Variants in BPIFC observed in about 807,000 individuals in gnomAD.
The protein encoded by BPIFC is BPI fold containing family C.
Under a neutral mutation model 57.6 loss-of-function variants are expected in BPIFC, and 60 were observed. The observed-to-expected ratio is 1.04, with a 90% confidence interval of 0.85 to 1.29. The LOEUF (loss-of-function observed/expected upper bound fraction) is 1.29, where lower values mean the gene tolerates loss of function less well. Among genes scored for constraint, BPIFC ranks in the 50% most tolerant of loss-of-function variants. The pLI, the probability that BPIFC is intolerant of heterozygous loss-of-function variation, is 0.00. For synonymous variants in BPIFC, 243 were observed against 224.5 expected (o/e 1.08, Z -0.74); for missense variants, 581 against 600.5 (o/e 0.97, Z 0.34).
intron 13 of BPIFC, among the ~76,000 whole-genome samples, chr22:32,424,791 T>C (rs1343632066): frequency 9.7e-5 from 13 of 133,610 alleles, no homozygotes; most frequent in Admixed American, 3.1e-4. Context: ...TCTTCTTCCT[T>C]TTTTTTTGAG....
chr22:32,445,345 G>A (rs9609553), intron 7 of BPIFC, among the ~76,000 whole-genome samples: 5 of 152,018 alleles, frequency 3.3e-5, no homozygotes, highest in Non-Finnish European at 5.9e-5. Flanking sequence ...AGACCATCCC[G>A]GCCAACACAG....
chr22:32,431,558 C>T (rs1219117774), intron 12 of BPIFC, 144 bp from the exon 13 acceptor site: 1 of 587,496 alleles, frequency 1.7e-6, no homozygotes, highest in Non-Finnish European at 3.0e-6. Context: ...ATTGGAAATA[C>T]AGACCTCTGA....
At chr22:32,446,861 A>G (rs1430621972) in intron 5 of BPIFC, 6 of 930,922 alleles carry the variant, frequency 6.4e-6, no homozygotes, top group Non-Finnish European at 7.7e-6. Flanking sequence ...TTACTCCTGC[A>G]GATGGGGAAG....
chr22:32,448,635 C>T (rs1047580654), intron 4 of BPIFC, among the ~76,000 whole-genome samples: 4 of 152,000 alleles, frequency 2.6e-5, no homozygotes, highest in Non-Finnish European at 5.9e-5. Flanking sequence ...TGGCCACATG[C>T]ATTATAAGAA....
intron 7 of BPIFC, 91 bp downstream of exon 7, chr22:32,445,544 C>G: frequency 7.6e-7 from 1 of 1,317,666 alleles, no homozygotes; most frequent in Non-Finnish European, 1.1e-6. Context: ...CTCAAAAAAA[C>G]AAACAAACAA....
Position 32,432,514 on chromosome 22 carries a change from G to A in BPIFC, c.1008C>T (p.Pro336=), listed in dbSNP as rs764765350. 48 of 1,614,018 alleles carry A rather than the reference G, an allele frequency of 3.0e-5. No homozygotes were observed. The highest frequency in any genetic ancestry group is 3.9e-5 in the Non-Finnish European group (46 of 1,180,034). ...RIAEIYILSQ[P]FMVRIMATEP... is the part of the protein sequence containing the mutation. ...CTGTGGCCATGATCCTCACCATGAA[G>A]GGCTGGGACAAGATGTAGATCTCTG... Residue 336 remains proline (P), a synonymous_variant, in exon 12 of 17, where the codon CCC becomes CCT. Coordinates refer to ENST00000300399, the MANE Select transcript of BPIFC (RefSeq NM_174932.3).
At chr22:32,426,085 G>A (rs930028494) in intron 13 of BPIFC, among the ~76,000 whole-genome samples, 1 of 152,170 alleles carries the variant, frequency 6.6e-6, no homozygotes, top group Admixed American at 6.5e-5. Context: ...GTTTGTCTCT[G>A]ATTTCTGTAT....
chr22:32,419,593 C>T (rs977596814), intron 13 of BPIFC, among the ~76,000 whole-genome samples, 189 bp from the exon 14 acceptor site: 2 of 151,628 alleles, frequency 1.3e-5, no homozygotes, highest in African/African-American at 4.8e-5. Flanking sequence ...AACTTGAGGT[C>T]AGGAATTTGA....
At chr22:32,426,904 GAA>G (rs1569448756) in intron 13 of BPIFC, among the ~76,000 whole-genome samples, 6 of 53,878 alleles carry the variant, frequency 1.1e-4, no homozygotes, top group Non-Finnish European at 2.7e-4. Context: ...AAAAAAAAAA[GAA>G]AGAAAGAAAA....
In BPIFC at chr22:32,414,252, G is replaced by A. The variant is rs768069942; in HGVS notation, c.*51C>T. 6.2e-7 allele frequency: 1 copy of A among 1,601,934 alleles called. No individual in the cohort carries two copies. Among genetic ancestry groups the A allele is most frequent in the African/African-American group, 1.3e-5 (1 of 74,468 alleles). On this transcript the variant is annotated 3_prime_UTR_variant, in exon 17 of 17. Transcript: ENST00000300399. Reference sequence around the variant, plus strand: ...GTCTTTCCCTTCTGGGTTTACAGTAGTTGTAGGATTAAGGACCATTTACTT... The same window carrying A: ...GTCTTTCCCTTCTGGGTTTACAGTAATTGTAGGATTAAGGACCATTTACTT...
chr22:32,415,605 G>T (rs1047669176), intron 16 of BPIFC, among the ~76,000 whole-genome samples: 1 of 152,108 alleles, frequency 6.6e-6, no homozygotes, highest in African/African-American at 2.4e-5. Flanking sequence ...TGTAAAATGG[G>T]ACTAATAATT....
intron 8 of BPIFC, among the ~76,000 whole-genome samples, chr22:32,440,928 A>C (rs985823662): frequency 3.9e-5 from 6 of 152,082 alleles, no homozygotes; most frequent in Non-Finnish European, 5.9e-5. Context: ...TTTAGCACAG[A>C]AGCCAGACCG....
intron 11 of BPIFC, among the ~76,000 whole-genome samples, chr22:32,432,796 C>A (rs1934286932): frequency 6.6e-6 from 1 of 152,178 alleles, no homozygotes; most frequent in Non-Finnish European, 1.5e-5. Flanking sequence ...CAGAAAATCC[C>A]TGTGAGGCAG....
At chr22:32,428,947 C>T (rs980917772) in intron 13 of BPIFC, among the ~76,000 whole-genome samples, 1 of 151,974 alleles carries the variant, frequency 6.6e-6, no homozygotes, top group Non-Finnish European at 1.5e-5. Context: ...AATATACTTA[C>T]AAAGAAAATT....
Position 32,461,588 on chromosome 22 carries a change from A to C in BPIFC, c.-15T>G. ...GATGCATGTACCTCCTGCAGGAGCT[A>C]GATCCAGCTGATCTTCTGCTGTGCT... On this transcript the variant is annotated 5_prime_UTR_variant, in exon 2 of 17. Transcript: ENST00000300399. The C allele has an allele frequency of 1.0e-6, 1 of 985,532 alleles. No homozygotes were observed. Among genetic ancestry groups the C allele is most frequent in the Non-Finnish European group, 1.2e-6 (1 of 829,994 alleles). 61.0% of individuals were successfully genotyped at this position (985,532 alleles called of 1,614,324 possible).
intron 14 of BPIFC, among the ~76,000 whole-genome samples, chr22:32,417,757 T>G (rs528858438): frequency 7.0e-4 from 107 of 152,312 alleles, no homozygotes; most frequent in Non-Finnish European, 1.2e-3. Flanking sequence ...ATTTCCCAAT[T>G]AGCAATCTTC....
chr22:32,455,333 G>A (rs1273023962), intron 3 of BPIFC, among the ~76,000 whole-genome samples: 1 of 152,114 alleles, frequency 6.6e-6, no homozygotes, highest in Non-Finnish European at 1.5e-5. Flanking sequence ...ACAGGTATGA[G>A]CCACCACGCC....
intron 13 of BPIFC, among the ~76,000 whole-genome samples, chr22:32,422,552 C>T (rs558120921): frequency 4.2e-4 from 64 of 152,094 alleles, no homozygotes; most frequent in Non-Finnish European, 8.2e-4. Context: ...ACTAAAATTA[C>T]AAAAATTAGC....
intron 13 of BPIFC, among the ~76,000 whole-genome samples, chr22:32,424,717 C>CTTCTTCTTCTTCTTCTTCTTCT (rs1933991713): frequency 3.8e-5 from 2 of 52,534 alleles, no homozygotes; most frequent in Non-Finnish European, 6.7e-5. Context: ...CTTCTTCTTC[C>CTTCTTCTTCTTCTTCTTCTTCT]TCTTCTTCTT....
Sources: allele counts gnomAD v4.1 joint callset (sites outside exome capture counted in the v4.1 genomes callset), GRCh38; gene constraint gnomAD v4.1.1; transcripts MANE v1.5; gene names NCBI Gene and HGNC (gene_info 2026-07-23, HGNC 2026-07-21).